STXBP5L: variants seen among roughly 807,000 people sequenced by gnomAD.
STXBP5L encodes syntaxin binding protein 5L.
A neutral mutation model predicts 144.5 loss-of-function variants in STXBP5L; 65 were observed. The ratio of observed to expected loss-of-function variants is 0.45; its 90% CI spans 0.37 to 0.55. The LOEUF is 0.55. STXBP5L is among the 20% of genes least tolerant of loss of function. The pLI is 0.00. For synonymous variants in STXBP5L, 505 were observed against 469.6 expected (o/e 1.08, Z -0.97); for missense variants, 1,298 against 1,405.5 (o/e 0.92, Z 1.22).
chr3:121,091,868 G>A (rs1311832006), intron 5 of STXBP5L, among the ~76,000 whole-genome samples: 2 of 152,086 alleles, frequency 1.3e-5, no homozygotes, highest in African/African-American at 4.8e-5. Context: ...TGTCCTGAAT[G>A]GTAATGCCTA....
chr3:121,042,236 A>G (rs1050444779), intron 4 of STXBP5L, among the ~76,000 whole-genome samples: 5 of 152,160 alleles, frequency 3.3e-5, no homozygotes, highest in Non-Finnish European at 5.9e-5. Flanking sequence ...TGGAATAGAT[A>G]TGCATTTGTA....
intron 3 of STXBP5L, among the ~76,000 whole-genome samples, chr3:121,033,555 A>G (rs1210540302): frequency 8.2e-6 from 1 of 122,144 alleles, no homozygotes; most frequent in Non-Finnish European, 1.8e-5. Flanking sequence ...CATGTACCCT[A>G]AAACTTAAAG....
intron 10 of STXBP5L, among the ~76,000 whole-genome samples, chr3:121,206,932 A>T (rs1485474263): frequency 1.3e-5 from 2 of 152,230 alleles, no homozygotes; most frequent in African/African-American, 4.8e-5. Context: ...TAAACATTAA[A>T]TTTATTTTAA....
At chr3:121,047,470 T>C (rs1460355609) in intron 5 of STXBP5L, among the ~76,000 whole-genome samples, 1 of 152,170 alleles carries the variant, frequency 6.6e-6, no homozygotes, top group Non-Finnish European at 1.5e-5. Context: ...TCTCCCACTA[T>C]TATTGTGTGG....
intron 3 of STXBP5L, among the ~76,000 whole-genome samples, chr3:120,999,833 C>A (rs1431794600): frequency 7.0e-6 from 1 of 142,704 alleles, no homozygotes; most frequent in Non-Finnish European, 1.6e-5. Flanking sequence ...TTATTTGTCT[C>A]CTTTATTTGC....
Position 120,963,491 on chromosome 3 carries a change from A to G in STXBP5L, c.287+8454A>G, listed in dbSNP as rs896315644. 2.6e-4 allele frequency among the ~76,000 whole-genome samples: 39 copies of G among 152,112 alleles called. 2 individuals carry two copies. Among genetic ancestry groups the G allele is most frequent in the Non-Finnish European group, 2.9e-5 (2 of 68,020 alleles). Reference sequence around the variant, plus strand: ...GAGTTTTTAGCATGAAAGGGTGTTGAGTTTTGTCAAAGGTCTTTTTTGCAT... The same window carrying G: ...GAGTTTTTAGCATGAAAGGGTGTTGGGTTTTGTCAAAGGTCTTTTTTGCAT... On this transcript the variant is annotated intron_variant, in intron 3 of 26. Coordinates refer to ENST00000471454, the MANE Select transcript of STXBP5L (RefSeq NM_001308330.2).
At chr3:120,997,343 T>A (rs1023640406) in intron 3 of STXBP5L, among the ~76,000 whole-genome samples, 7 of 152,212 alleles carry the variant, frequency 4.6e-5, no homozygotes, top group African/African-American at 1.7e-4. Context: ...TAGTTCTGTT[T>A]TAAGTTCTTT....
intron 5 of STXBP5L, among the ~76,000 whole-genome samples, chr3:121,057,357 A>G (rs1415142456): frequency 6.6e-6 from 1 of 151,882 alleles, no homozygotes; most frequent in African/African-American, 2.4e-5. Flanking sequence ...TTGTTTGTAA[A>G]TTTTACTGAA....
At chr3:120,964,945 C>G (rs1278492401) in intron 3 of STXBP5L, among the ~76,000 whole-genome samples, 1 of 152,166 alleles carries the variant, frequency 6.6e-6, no homozygotes. Flanking sequence ...CTGTATGAAT[C>G]TGGGTGCTCC....
At chr3:121,330,945 C>T (rs191090271) in intron 20 of STXBP5L, among the ~76,000 whole-genome samples, 4 of 152,318 alleles carry the variant, frequency 2.6e-5, no homozygotes, top group Admixed American at 2.6e-4. Context: ...GGTGCTAATA[C>T]CTGCTGCTGG....
chr3:120,962,653 A>G (rs1035142309), intron 3 of STXBP5L, among the ~76,000 whole-genome samples: 2 of 152,182 alleles, frequency 1.3e-5, no homozygotes, highest in African/African-American at 2.4e-5. Context: ...TTTTGGTACC[A>G]GTACCATGCT....
intron 3 of STXBP5L, among the ~76,000 whole-genome samples, chr3:121,007,831 T>C (rs1944460459): frequency 6.6e-6 from 1 of 152,020 alleles, no homozygotes; most frequent in Non-Finnish European, 1.5e-5. Flanking sequence ...CAGCATCTTC[T>C]ACAGATACAC....
At position 121,351,194 on chromosome 3, in the gene STXBP5L, G is replaced by T. The variant is rs557449862; in HGVS notation, c.2177-27522G>T. Among the ~76,000 whole-genome samples the T allele has an allele frequency of 1.9e-3, 288 of 152,266 alleles. 2 individuals are homozygous for T. Among genetic ancestry groups the T allele is most frequent in the Middle Eastern group, 3.4e-3 (1 of 294 alleles). On this transcript the variant is annotated intron_variant, in intron 20 of 26. Coordinates refer to ENST00000471454, the MANE Select transcript of STXBP5L (RefSeq NM_001308330.2). ...CTTCTAACAGTCAGGACCCTCAGCTGCAGGTCTGTTGGAGTTTGCCTGAGT... is the reference window on the plus strand; with the variant it reads ...CTTCTAACAGTCAGGACCCTCAGCTTCAGGTCTGTTGGAGTTTGCCTGAGT...
intron 19 of STXBP5L, among the ~76,000 whole-genome samples, chr3:121,303,394 A>T (rs1260641635): frequency 6.6e-6 from 1 of 152,150 alleles, no homozygotes; most frequent in Non-Finnish European, 1.5e-5. Flanking sequence ...GCTGGAGAGG[A>T]TGTGGAGAAA....
At chr3:120,996,352 A>T (rs776591810) in intron 3 of STXBP5L, among the ~76,000 whole-genome samples, 2 of 152,032 alleles carry the variant, frequency 1.3e-5, no homozygotes, top group Non-Finnish European at 2.9e-5. Context: ...AAATTAATAT[A>T]ATGTATATTT....
At chr3:121,212,742 T>C (rs1195733008) in intron 10 of STXBP5L, among the ~76,000 whole-genome samples, 1 of 152,192 alleles carries the variant, frequency 6.6e-6, no homozygotes, top group Non-Finnish European at 1.5e-5. Flanking sequence ...TTTTTCTAAT[T>C]CTGTGAAGAA....
intron 22 of STXBP5L, among the ~76,000 whole-genome samples, chr3:121,399,649 C>T (rs1261961948): frequency 6.6e-6 from 1 of 152,210 alleles, no homozygotes; most frequent in African/African-American, 2.4e-5. Flanking sequence ...AGGAGCATGT[C>T]CTTAAGGCAC....
intron 9 of STXBP5L, among the ~76,000 whole-genome samples, chr3:121,189,543 A>G (rs1177414729): frequency 6.6e-6 from 1 of 152,212 alleles, no homozygotes; most frequent in Non-Finnish European, 1.5e-5. Flanking sequence ...GATGTGTGGT[A>G]TTATTTCTGA....
At chr3:121,382,481 A>G (rs1283241614) in intron 22 of STXBP5L, among the ~76,000 whole-genome samples, 1 of 152,136 alleles carries the variant, frequency 6.6e-6, no homozygotes, top group Non-Finnish European at 1.5e-5. Flanking sequence ...AAATATACAC[A>G]ATTCTTTTGA....
Sources: allele counts gnomAD v4.1 joint callset (sites outside exome capture counted in the v4.1 genomes callset), GRCh38; gene constraint gnomAD v4.1.1; transcripts MANE v1.5; gene names NCBI Gene and HGNC (gene_info 2026-07-23, HGNC 2026-07-21).